The following MAPK9 variants were observed in gnomAD, a reference collection of about 807,000 sequenced individuals.
MAPK9 encodes the protein mitogen-activated protein kinase 9.
In MAPK9, 30 loss-of-function variants were observed where a neutral mutation model predicts 57.1. The ratio of observed to expected loss-of-function variants is 0.53; its 90% CI spans 0.39 to 0.71. The LOEUF (loss-of-function observed/expected upper bound fraction) is 0.71, where lower values mean the gene tolerates loss of function less well. MAPK9 is among the 30% of genes least tolerant of loss of function. The pLI, the probability that MAPK9 is intolerant of heterozygous loss-of-function variation, is 0.00. For missense variants in MAPK9, 362 were observed against 521.0 expected (o/e 0.69, Z 2.97); for synonymous variants, 155 against 177.0 (o/e 0.88, Z 0.99).
intron 1 of MAPK9, among the ~76,000 whole-genome samples, chr5:180,289,969 C>T (rs1763089036): frequency 6.6e-6 from 1 of 152,136 alleles, no homozygotes; most frequent in African/African-American, 2.4e-5. Flanking sequence ...GATCCTTCCA[C>T]CTCAGCCTCC....
At chr5:180,282,753 T>A (rs186296976) in intron 1 of MAPK9, among the ~76,000 whole-genome samples, 35 of 152,310 alleles carry the variant, frequency 2.3e-4, no homozygotes, top group Admixed American at 3.9e-4. Context: ...AGCAACACAG[T>A]TACTTGCAAG....
intron 7 of MAPK9, chr5:180,246,193 G>T (rs1463283264): frequency 6.7e-6 from 1 of 150,310 alleles, no homozygotes; most frequent in Non-Finnish European, 1.5e-5. Context: ...TAAATTATTA[G>T]TCTTTTAATT....
At chr5:180,252,082 G>A (rs559000190) in intron 5 of MAPK9, among the ~76,000 whole-genome samples, 1 of 152,306 alleles carries the variant, frequency 6.6e-6, no homozygotes, top group African/African-American at 2.4e-5. Flanking sequence ...CACTTGCAGG[G>A]TTCGTGGGGT....
intron 5 of MAPK9, among the ~76,000 whole-genome samples, chr5:180,258,570 A>G (rs879507263): frequency 6.6e-5 from 10 of 152,170 alleles, no homozygotes; most frequent in Admixed American, 6.5e-4. Context: ...ATAACTGTAA[A>G]AAATGTGGCA....
intron 2 of MAPK9, among the ~76,000 whole-genome samples, chr5:180,272,994 G>T (rs918860420): frequency 6.6e-6 from 1 of 152,104 alleles, no homozygotes; most frequent in Non-Finnish European, 1.5e-5. Flanking sequence ...TCCAGTACAC[G>T]AGGGGTCACA....
intron 2 of MAPK9, among the ~76,000 whole-genome samples, chr5:180,274,912 C>G (rs1761676843): frequency 6.6e-6 from 1 of 152,156 alleles, no homozygotes; most frequent in Non-Finnish European, 1.5e-5. Context: ...CACTAAATCT[C>G]TCTTCAGTTA....
chr5:180,268,242 G>A (rs755482463), intron 3 of MAPK9, among the ~76,000 whole-genome samples: 107 of 152,244 alleles, frequency 7.0e-4, no homozygotes, highest in Admixed American at 1.8e-3. Context: ...TTATTTCTCC[G>A]TAAAATTTAG....
intron 1 of MAPK9, among the ~76,000 whole-genome samples, chr5:180,291,495 G>A (rs1037513753): frequency 2.6e-5 from 4 of 152,198 alleles, no homozygotes; most frequent in African/African-American, 9.6e-5. Flanking sequence ...CCGCGGCAGA[G>A]CGAGGGTCAG....
chr5:180,247,644 A>G lies in MAPK9; in HGVS notation c.617-134T>C, dbSNP rs956962410. 2.1e-6 allele frequency: 2 copies of G among 962,068 alleles called. No individual in the cohort carries two copies. The highest frequency in any genetic ancestry group is 3.3e-6 in the Non-Finnish European group (2 of 614,492). The allele number at this position is 962,068 out of a possible 1,614,324, so 59.6% of individuals were successfully genotyped here. ...GCTAGCTAAGGGTGACATTTTACAC[A>G]ATATGAATGATTGCTGACCTCTATT... On this transcript the variant is annotated intron_variant, in intron 6 of 11. Transcript: ENST00000452135. This position sits in a 1 kb window ranked among gnomAD's most constrained non-coding sequence, Gnocchi z 4.5.
chr5:180,287,308 C>T (rs1237137773), intron 1 of MAPK9, among the ~76,000 whole-genome samples: 2 of 152,196 alleles, frequency 1.3e-5, no homozygotes, highest in Non-Finnish European at 1.5e-5. Context: ...CATTTTACTA[C>T]AGTTGTGTAA....
At chr5:180,291,463 C>T (rs1215217601) in intron 1 of MAPK9, among the ~76,000 whole-genome samples, 1 of 152,208 alleles carries the variant, frequency 6.6e-6, no homozygotes, top group African/African-American at 2.4e-5. Flanking sequence ...AGAGACATTT[C>T]CCCACCTTCC....
rs962831178 is a variant in MAPK9 at position 180,275,332 on chromosome 5, C to T, written c.122+5108G>A. ...TTTGTTTACCCCCATACAAGTTCAGCAAATGAGATGATAATCTGAAGCTGA... is the reference window on the plus strand; with the variant it reads ...TTTGTTTACCCCCATACAAGTTCAGTAAATGAGATGATAATCTGAAGCTGA... On this transcript the variant is annotated intron_variant, in intron 2 of 11. Coordinates refer to ENST00000452135, the MANE Select transcript of MAPK9 (RefSeq NM_002752.5). 2.6e-5 allele frequency among the ~76,000 whole-genome samples: 4 copies of T among 152,296 alleles called. No homozygotes were observed. In the South Asian group the frequency reaches 8.3e-4, roughly 32 times the overall value.
rs1762237791 is a variant in MAPK9 at position 180,280,580 on chromosome 5, A to G, written c.-19T>C. The G allele has an allele frequency of 6.2e-7, 1 of 1,608,074 alleles. No homozygotes were observed. ...CGCTCATGATGCAGCGTCCTGCAATATCCCGAAGGGTGGGCAAGTTTCAGA... is the reference window on the plus strand; with the variant it reads ...CGCTCATGATGCAGCGTCCTGCAATGTCCCGAAGGGTGGGCAAGTTTCAGA... On this transcript the variant is annotated 5_prime_UTR_variant, in exon 2 of 12. Coordinates refer to ENST00000452135, the MANE Select transcript of MAPK9 (RefSeq NM_002752.5).
At chr5:180,279,705 GA>G (rs66800744) in intron 2 of MAPK9, 70,689 of 358,384 alleles carry the variant, frequency 0.2, 7,949 homozygotes, top group Non-Finnish European at 0.25. Context: ...AAAAGAAAAA[GA>G]AAAAAAAAAG....
At chr5:180,266,886 A>C (rs1760617803) in intron 3 of MAPK9, among the ~76,000 whole-genome samples, 1 of 152,242 alleles carries the variant, frequency 6.6e-6, no homozygotes, top group Non-Finnish European at 1.5e-5. Flanking sequence ...GTATGCAAAA[A>C]TTCAGGCGTT....
chr5:180,291,891 G>T lies in MAPK9; in HGVS notation c.-91C>A, dbSNP rs1268343993. The T allele has an allele frequency of 1.4e-5, 2 of 147,010 alleles. No individual in the cohort carries two copies. The highest frequency in any genetic ancestry group is 2.5e-5 in the African/African-American group (1 of 40,776). The allele number at this position is 147,010 out of a possible 1,614,324, so 9.1% of individuals were successfully genotyped here. On this transcript the variant is annotated 5_prime_UTR_variant, in exon 1 of 12. Transcript: ENST00000452135. The stretch of plus-strand genomic sequence containing the variant: ...CGCCACGGGGAGAGGGCGGGCGGGC[G>T]GACTGGCGGCGCTGCGTGCTAGTCA...
chr5:180,267,376 A>G (rs1056072193), intron 3 of MAPK9, among the ~76,000 whole-genome samples: 4 of 151,868 alleles, frequency 2.6e-5, no homozygotes, highest in Admixed American at 2.6e-4. Context: ...CCTGGCTAAC[A>G]TGGTGAAACC....
intron 5 of MAPK9, among the ~76,000 whole-genome samples, chr5:180,249,640 CACAG>C (rs1297337713): frequency 6.6e-6 from 1 of 152,208 alleles, no homozygotes; most frequent in Non-Finnish European, 1.5e-5. Flanking sequence ...AGTGCTGTCC[CACAG>C]ACAATGTCAT....
chr5:180,270,306 C>T (rs1042836531), intron 2 of MAPK9, among the ~76,000 whole-genome samples: 2 of 152,198 alleles, frequency 1.3e-5, no homozygotes, highest in Non-Finnish European at 2.9e-5. Context: ...TTTTGCCAAA[C>T]TCGAACCTAA....
Sources: allele counts gnomAD v4.1 joint callset (sites outside exome capture counted in the v4.1 genomes callset), GRCh38; gene constraint gnomAD v4.1.1; non-coding constraint Gnocchi (gnomAD v3.1); transcripts MANE v1.5; gene names NCBI Gene and HGNC (gene_info 2026-07-23, HGNC 2026-07-21).